The following ATP13A5 variants were observed in gnomAD, a reference collection of about 807,000 sequenced individuals.
The protein encoded by ATP13A5 is ATPase 13A5, also known as probable cation-transporting ATPase 13A5.
Under a neutral mutation model 150.2 loss-of-function variants are expected in ATP13A5, and 149 were observed. The observed-to-expected ratio is 0.99, with a 90% CI of 0.87 to 1.14. The LOEUF is 1.14. Among genes scored for constraint, ATP13A5 ranks in the 50% most tolerant of loss-of-function variants. ATP13A5 has a pLI of 0.00. For synonymous variants in ATP13A5, 497 were observed against 522.2 expected (o/e 0.95, Z 0.66); for missense variants, 1,383 against 1,449.3 (o/e 0.95, Z 0.74).
chr3:193,368,146 T>C (rs1366904414), intron 1 of ATP13A5, among the ~76,000 whole-genome samples: 6 of 152,188 alleles, frequency 3.9e-5, no homozygotes, highest in Non-Finnish European at 8.8e-5. Flanking sequence ...ACCAGGTCAA[T>C]ATAGGAAAAC....
intron 1 of ATP13A5, among the ~76,000 whole-genome samples, chr3:193,374,260 A>C (rs998467133): frequency 6.7e-6 from 1 of 149,898 alleles, no homozygotes; most frequent in Admixed American, 6.7e-5. Context: ...TCAGGAGATA[A>C]TCTGTGCATG....
intron 9 of ATP13A5, among the ~76,000 whole-genome samples, chr3:193,339,283 A>G (rs1040824120): frequency 2.6e-5 from 4 of 151,852 alleles, no homozygotes; most frequent in Non-Finnish European, 5.9e-5. Flanking sequence ...CTAGCTTTTG[A>G]ATGCGTTTGC....
intron 25 of ATP13A5, among the ~76,000 whole-genome samples, chr3:193,293,571 C>T (rs1409721582): frequency 3.3e-5 from 5 of 151,990 alleles, no homozygotes; most frequent in African/African-American, 1.2e-4. Context: ...GGGAAGACTT[C>T]GCAGTTTCAA....
chr3:193,323,498 C>A (rs902189), intron 14 of ATP13A5: 92,919 of 151,976 alleles, frequency 0.61, 29,315 homozygotes, highest in Non-Finnish European at 0.7. Flanking sequence ...ATATTCCCAA[C>A]CAAGTATGTT....
At chr3:193,351,242 C>T (rs969338028) in intron 6 of ATP13A5, 41 bp from the exon 7 acceptor site, 1 of 1,604,150 alleles carries the variant, frequency 6.2e-7, no homozygotes, top group Non-Finnish European at 8.5e-7. Context: ...TTGCATGAAC[C>T]TTAGTAGCAA....
chr3:193,334,804 T>G, intron 10 of ATP13A5, 125 bp downstream of exon 10: 1 of 828,874 alleles, frequency 1.2e-6, no homozygotes, highest in Non-Finnish European at 1.9e-6. Flanking sequence ...AAGTGTCTGT[T>G]TGGAAAAAAG....
intron 20 of ATP13A5, 47 bp from the exon 21 acceptor site, chr3:193,310,764 C>T (rs754394614): frequency 8.8e-6 from 13 of 1,477,702 alleles, no homozygotes; most frequent in African/African-American, 2.8e-5. Flanking sequence ...AAGAAGAAAA[C>T]TTTTAAAAAT....
At chr3:193,319,155 T>A (rs1433813427) in intron 16 of ATP13A5, 47 bp from the exon 17 acceptor site, 16 of 1,440,116 alleles carry the variant, frequency 1.1e-5, no homozygotes, top group Non-Finnish European at 1.6e-5. Context: ...TGTTGAAGGC[T>A]GGTCTAAGCA....
intron 28 of ATP13A5, 70 bp from the exon 29 acceptor site, chr3:193,276,900 T>C: frequency 8.9e-7 from 1 of 1,128,028 alleles, no homozygotes; most frequent in East Asian, 2.6e-5. Flanking sequence ...ATATTAATTA[T>C]TTAATTTATA....
intron 1 of ATP13A5, among the ~76,000 whole-genome samples, chr3:193,372,742 A>G (rs1484492853): frequency 6.6e-6 from 1 of 152,236 alleles, no homozygotes; most frequent in African/African-American, 2.4e-5. Flanking sequence ...CAAGTCACTG[A>G]TACCCTCACC....
At position 193,340,923 on chromosome 3, in the gene ATP13A5, G is replaced by T. The variant is rs58901662; in HGVS notation, c.943+3004C>A. Reference sequence around the variant, plus strand: ...GCAGAGTTCCTGCTCCATAGTAGGGGCTAATAAATATCTGTAGAATGAGTG... The same window carrying T: ...GCAGAGTTCCTGCTCCATAGTAGGGTCTAATAAATATCTGTAGAATGAGTG... On this transcript the variant is annotated intron_variant, in intron 9 of 29. Transcript: ENST00000342358. Among the ~76,000 whole-genome samples the T allele has an allele frequency of 9.4e-3, 1,433 of 152,202 alleles. 20 individuals are homozygous for T. Among genetic ancestry groups the T allele is most frequent in the African/African-American group, 0.033 (1,378 of 41,522 alleles).
At chr3:193,323,778 T>C (rs1355209284) in intron 14 of ATP13A5, 2 of 152,238 alleles carry the variant, frequency 1.3e-5, no homozygotes, top group African/African-American at 2.4e-5. Flanking sequence ...TCCTCTTTCA[T>C]TGATTTGCCC....
chr3:193,319,542 G>A (rs1039809725), intron 16 of ATP13A5, among the ~76,000 whole-genome samples: 16 of 152,162 alleles, frequency 1.1e-4, no homozygotes, highest in Admixed American at 7.9e-4. Context: ...AGCCCTCTCC[G>A]GGAACCACGT....
At chr3:193,325,126 C>G in intron 13 of ATP13A5, 112 bp from the exon 14 acceptor site, 1 of 1,013,256 alleles carries the variant, frequency 9.9e-7, no homozygotes, top group Non-Finnish European at 1.4e-6. Flanking sequence ...TCAGAACCTT[C>G]CCATGGCTCC....
At chr3:193,302,565 T>C (rs1718440307) in intron 23 of ATP13A5, among the ~76,000 whole-genome samples, 1 of 152,216 alleles carries the variant, frequency 6.6e-6, no homozygotes, top group African/African-American at 2.4e-5. Context: ...CTAATGATTG[T>C]GAATTTTAAG....
intron 1 of ATP13A5, among the ~76,000 whole-genome samples, chr3:193,373,256 G>T (rs1215758647): frequency 6.6e-6 from 1 of 152,016 alleles, no homozygotes; most frequent in Non-Finnish European, 1.5e-5. Flanking sequence ...TCCTGCCTTA[G>T]CCTCCCAAGT....
At chr3:193,304,726 G>A (rs1411557994) in intron 23 of ATP13A5, among the ~76,000 whole-genome samples, 1 of 152,066 alleles carries the variant, frequency 6.6e-6, no homozygotes, top group Non-Finnish European at 1.5e-5. Context: ...GAAAATAAAC[G>A]TCTGTTAATG....
In ATP13A5 at chr3:193,276,709, A is replaced by G. The variant is rs764591450; in HGVS notation, c.3396+41T>C. 34 of 1,426,868 alleles carry G rather than the reference A, an allele frequency of 2.4e-5. No individual in the cohort carries two copies. In the Admixed American group the frequency reaches 5.9e-4, roughly 25 times the overall value. The allele number at this position is 1,426,868 out of a possible 1,614,324, so 88.4% of individuals were successfully genotyped here. On this transcript the variant is annotated intron_variant, in intron 29 of 29. Transcript: ENST00000342358. ...GCACCTGCTGAAAATGAGATCCTTAATTTGTTTATCTTCCTAGAAAAAATA... is the reference window on the plus strand; with the variant it reads ...GCACCTGCTGAAAATGAGATCCTTAGTTTGTTTATCTTCCTAGAAAAAATA...
Position 193,274,853 on chromosome 3 carries a change from T to C in ATP13A5, c.*189A>G. 5 of 717,006 alleles carry C rather than the reference T, an allele frequency of 7.0e-6. No homozygotes were observed. The highest frequency in any genetic ancestry group is 2.8e-5 in the Admixed American group (1 of 35,496). The allele number at this position is 717,006 out of a possible 1,614,324, so 44.4% of individuals were successfully genotyped here. A position where few individuals can be genotyped will look rare whatever the true frequency, so the allele number is the denominator to read the frequency against. ...ACAGGAAATGCATTTTTTTCTCTCA[T>C]TGGTAAAGCATACAGTCAGAATAAG... On this transcript the variant is annotated 3_prime_UTR_variant, in exon 30 of 30. Coordinates refer to ENST00000342358, the MANE Select transcript of ATP13A5 (RefSeq NM_198505.4).
Sources: gnomAD v4.1 joint callset for allele counts (sites outside exome capture counted in the v4.1 genomes callset) on GRCh38, gnomAD v4.1.1 for gene constraint, MANE v1.5 for transcripts, NCBI Gene and HGNC (gene_info 2026-07-23, HGNC 2026-07-21) for gene names.